ELP4: variants seen among roughly 807,000 people sequenced by gnomAD.
The protein encoded by ELP4 is elongator acetyltransferase complex subunit 4.
ELP4 carries 51 observed loss-of-function variants against 48.9 expected under a neutral mutation model. The observed-to-expected ratio is 1.04, with a 90% CI of 0.83 to 1.32. ELP4 has a LOEUF of 1.32. ELP4 is among the 40% of genes most tolerant of loss of function. The probability of loss-of-function intolerance (pLI) is 0.00; values close to 1 mark genes in which losing one functional copy is unlikely to be tolerated. For synonymous variants in ELP4, 210 were observed against 189.2 expected, an observed-to-expected ratio of 1.11 and a Z score of -0.90; for missense variants, 519 against 514.6, an observed-to-expected ratio of 1.01 and a Z score of -0.08.
intron 9 of ELP4, among the ~76,000 whole-genome samples, chr11:31,676,475 G>T (rs1224697655): frequency 6.6e-6 from 1 of 152,076 alleles, no homozygotes; most frequent in Non-Finnish European, 1.5e-5. Flanking sequence ...CAAGAACAAG[G>T]ATTTTTGTAC....
At chr11:31,775,167 A>G (rs1948218827) in intron 9 of ELP4, among the ~76,000 whole-genome samples, 1 of 152,204 alleles carries the variant, frequency 6.6e-6, no homozygotes, top group Non-Finnish European at 1.5e-5. Context: ...AAGCCAACAA[A>G]CTATTAAATA....
chr11:31,631,664 C>T (rs904947691), intron 6 of ELP4, among the ~76,000 whole-genome samples: 3 of 151,932 alleles, frequency 2.0e-5, no homozygotes, highest in African/African-American at 4.8e-5. Flanking sequence ...TTAAATTTTA[C>T]GAAGAGTGTT....
At chr11:31,703,534 C>T (rs188171218) in intron 9 of ELP4, among the ~76,000 whole-genome samples, 3 of 152,232 alleles carry the variant, frequency 2.0e-5, no homozygotes. Context: ...CTCTTATTGT[C>T]ACCATTTTAT....
At position 31,609,631 on chromosome 11, in the gene ELP4, G is replaced by C. The variant is rs1957938955; in HGVS notation, c.653+5724G>C. Among the ~76,000 whole-genome samples, 3 of 152,090 alleles carry C rather than the reference G, an allele frequency of 2.0e-5. No individual in the cohort carries two copies. In the South Asian group the frequency reaches 6.2e-4, roughly 32 times the overall value. ...GTTATGAGATGCCCGGCCGGGGTCT[G>C]TGGGTTGGTACTCCCAAGGGGGCTC... On this transcript the variant is annotated intron_variant, in intron 5 of 9. Transcript: ENST00000640961.
intron 5 of ELP4, among the ~76,000 whole-genome samples, chr11:31,613,060 T>C (rs1298546415): frequency 6.6e-6 from 1 of 152,184 alleles, no homozygotes; most frequent in African/African-American, 2.4e-5. Context: ...GTGGGCACTG[T>C]GGCTTTTATT....
At chr11:31,671,173 T>C (rs1290650666) in intron 9 of ELP4, among the ~76,000 whole-genome samples, 2 of 152,184 alleles carry the variant, frequency 1.3e-5, no homozygotes, top group Non-Finnish European at 2.9e-5. Flanking sequence ...AATAAAACCA[T>C]AAAATAAATC....
intron 3 of ELP4, among the ~76,000 whole-genome samples, chr11:31,545,665 T>A (rs1956692664): frequency 6.6e-6 from 1 of 151,982 alleles, no homozygotes; most frequent in South Asian, 2.1e-4. Context: ...GAGGAGCAAC[T>A]GCAAGACACG....
chr11:31,611,216 T>G (rs1957971766), intron 5 of ELP4, among the ~76,000 whole-genome samples: 1 of 152,206 alleles, frequency 6.6e-6, no homozygotes, highest in Non-Finnish European at 1.5e-5. Flanking sequence ...TCTGTATCTG[T>G]GCTGTGTAAT....
At chr11:31,547,234 G>T (rs374041585) in intron 3 of ELP4, among the ~76,000 whole-genome samples, 67 of 152,132 alleles carry the variant, frequency 4.4e-4, no homozygotes, top group Admixed American at 1.0e-3. Flanking sequence ...TTGATAGACT[G>T]CTAGCAAGAC....
At chr11:31,638,080 ATACCAT>A (rs1481806176) in intron 7 of ELP4, among the ~76,000 whole-genome samples, 1 of 151,888 alleles carries the variant, frequency 6.6e-6, no homozygotes, top group East Asian at 1.9e-4. Context: ...AAGTTGTCTT[ATACCAT>A]TCTCACAGCA....
chr11:31,576,333 A>G (rs1030766939), intron 3 of ELP4, among the ~76,000 whole-genome samples: 1 of 152,198 alleles, frequency 6.6e-6, no homozygotes, highest in Non-Finnish European at 1.5e-5. Context: ...CTCCCACACA[A>G]TAATAATGGG....
chr11:31,597,995 A>T (rs1380865290), intron 4 of ELP4, among the ~76,000 whole-genome samples: 2 of 102,850 alleles, frequency 1.9e-5, no homozygotes, highest in African/African-American at 7.5e-5. Flanking sequence ...TTGCTCTGTC[A>T]CCCAGGCTGG....
intron 3 of ELP4, among the ~76,000 whole-genome samples, chr11:31,553,833 C>G (rs1229567979): frequency 6.6e-6 from 1 of 151,880 alleles, no homozygotes; most frequent in African/African-American, 2.4e-5. Context: ...GCAGGGGCCC[C>G]CAACCCCCAG....
chr11:31,714,730 A>G (rs1231715712), intron 9 of ELP4: 8 of 398,454 alleles, frequency 2.0e-5, no homozygotes, highest in Non-Finnish European at 4.4e-6. Context: ...GGTTGCCTGC[A>G]TTCCTTGGCT....
At chr11:31,706,463 T>C (rs1946634847) in intron 9 of ELP4, among the ~76,000 whole-genome samples, 1 of 147,966 alleles carries the variant, frequency 6.8e-6, no homozygotes, top group African/African-American at 2.6e-5. Context: ...AGACCCCATC[T>C]CTACCAAAAA....
chr11:31,575,773 A>T (rs906041241), intron 3 of ELP4, among the ~76,000 whole-genome samples: 10 of 152,266 alleles, frequency 6.6e-5, no homozygotes, highest in African/African-American at 2.4e-4. Flanking sequence ...CTTGCCTTAC[A>T]GGAGCTCGTG....
At chr11:31,529,869 C>G (rs1031584081) in intron 2 of ELP4, among the ~76,000 whole-genome samples, 1 of 152,016 alleles carries the variant, frequency 6.6e-6, no homozygotes, top group African/African-American at 2.4e-5. Context: ...AGTAAGGTAC[C>G]ACCCACAAAC....
At chr11:31,522,828 A>G (rs1297316334) in intron 2 of ELP4, among the ~76,000 whole-genome samples, 1 of 151,166 alleles carries the variant, frequency 6.6e-6, no homozygotes, top group Non-Finnish European at 1.5e-5. Flanking sequence ...TACCAGTCCA[A>G]TTAGATTAGA....
At chr11:31,661,199 T>G (rs1449859200) in intron 9 of ELP4, among the ~76,000 whole-genome samples, 1 of 152,050 alleles carries the variant, frequency 6.6e-6, no homozygotes, top group South Asian at 2.1e-4. Context: ...TTCTAGTCAA[T>G]GTCAAACAAT....
Sources: gnomAD v4.1 joint callset for allele counts (sites outside exome capture counted in the v4.1 genomes callset) on GRCh38, gnomAD v4.1.1 for gene constraint, MANE v1.5 for transcripts, NCBI Gene and HGNC (gene_info 2026-07-23, HGNC 2026-07-21) for gene names.